Variants in EIF2AK4 observed in about 807,000 individuals in gnomAD.
EIF2AK4 encodes eukaryotic translation initiation factor 2 alpha kinase 4, also known as eIF-2-alpha kinase GCN2.
A neutral mutation model predicts 211.1 loss-of-function variants in EIF2AK4; 139 were observed. That is an observed-to-expected ratio of 0.66 (90% CI 0.57 to 0.76). The LOEUF (loss-of-function observed/expected upper bound fraction) is 0.76. Ranked by LOEUF, EIF2AK4 falls within the 30% of genes least tolerant of loss-of-function variation. EIF2AK4 has a pLI of 0.00. For missense variants in EIF2AK4, 1,664 were observed against 2,043.8 expected, an observed-to-expected ratio of 0.81 and a Z score of 3.58; for synonymous variants, 710 against 751.3, an observed-to-expected ratio of 0.94 and a Z score of 0.90.
Position 39,978,148 on chromosome 15 carries a change from G to T in EIF2AK4, c.2319+1G>T. The stretch of plus-strand genomic sequence containing the variant: ...TGAGAACAGTAAAAGTCAGAATCAG[G>T]TATATATATGAATAGAAATTATATC... On this transcript the variant is annotated splice_donor_variant, in intron 13 of 38. Coordinates refer to ENST00000263791, the MANE Select transcript of EIF2AK4 (RefSeq NM_001013703.4). LOFTEE classifies it high-confidence loss of function. The T allele has an allele frequency of 6.7e-7, 1 of 1,500,424 alleles. No individual in the cohort carries two copies. The highest frequency in any genetic ancestry group is 9.1e-7 in the Non-Finnish European group (1 of 1,093,608). The allele number at this position is 1,500,424 out of a possible 1,614,324, so 92.9% of individuals were successfully genotyped here. A position where few individuals can be genotyped will look rare whatever the true frequency, so the allele number is the denominator to read the frequency against.
In EIF2AK4 at chr15:39,992,201, A is replaced by C; in HGVS notation, c.2658A>C (p.Thr886=). The C allele has an allele frequency of 5.6e-6, 9 of 1,612,650 alleles. No homozygotes were observed. Among genetic ancestry groups the C allele is most frequent in the Non-Finnish European group, 7.6e-6 (9 of 1,179,312 alleles). ...CTGACAGCAAACAAGACGATCAGAC[A>C]GGAGACTTGATTAAGTCAGACCCTT... ...FSADSKQDDQ[T]GDLIKSDPSG... Residue 886 remains threonine, a synonymous_variant, in exon 17 of 39, where the codon ACA becomes ACC. Coordinates refer to ENST00000263791, the MANE Select transcript of EIF2AK4 (RefSeq NM_001013703.4).
intron 17 of EIF2AK4, 45 bp downstream of exon 17, chr15:39,992,274 C>G (rs1263616408): frequency 2.0e-6 from 3 of 1,505,506 alleles, no homozygotes; most frequent in Non-Finnish European, 2.7e-6. Context: ...TTAAAGACCC[C>G]AGAATTTCTT....
At chr15:39,967,923 A>G in intron 9 of EIF2AK4, 44 bp downstream of exon 9, 1 of 1,585,826 alleles carries the variant, frequency 6.3e-7, no homozygotes, top group East Asian at 2.3e-5. Flanking sequence ...TTACTCCTGT[A>G]CTTTTGATTG....
In EIF2AK4 at chr15:39,965,615, C is replaced by T. The variant is rs568467243; in HGVS notation, c.860-71C>T. The T allele has an allele frequency of 6.3e-5, 98 of 1,549,614 alleles. No homozygotes were observed. The African/African-American group carries it at 1.3e-3, about 20-fold the overall frequency. On this transcript the variant is annotated intron_variant, in intron 7 of 38. Coordinates refer to ENST00000263791, the MANE Select transcript of EIF2AK4 (RefSeq NM_001013703.4). ...TTGTTGAACTAAAGAATGTGTATTA[C>T]CCCCTCCCTTCCTTCCCCCAAGAGA... is the stretch of plus-strand genomic sequence containing the variant.
intron 1 of EIF2AK4, among the ~76,000 whole-genome samples, chr15:39,938,853 A>G (rs771943386): frequency 6.6e-6 from 1 of 152,224 alleles, no homozygotes; most frequent in East Asian, 1.9e-4. Flanking sequence ...CCCCTTGTTC[A>G]TTATATACAT....
At position 40,035,008 on chromosome 15, in the gene EIF2AK4, C is replaced by T; in HGVS notation, c.4893-19C>T. The T allele has an allele frequency of 6.5e-7, 1 of 1,547,214 alleles. No homozygotes were observed. The highest frequency in any genetic ancestry group is 8.7e-7 in the Non-Finnish European group (1 of 1,151,074). On this transcript the variant is annotated intron_variant, in intron 38 of 38. Transcript: ENST00000263791. The stretch of plus-strand genomic sequence containing the variant: ...CATTAAACTGAGTCTGTCCTTATAT[C>T]TTTTCTTTTCTTTTGCAGGGTGTCT...
In EIF2AK4 at chr15:40,002,793, G is replaced by T; in HGVS notation, c.3235+5G>T. 1 of 1,614,010 alleles carries T rather than the reference G, an allele frequency of 6.2e-7. No homozygotes were observed. The highest frequency in any genetic ancestry group is 2.2e-5 in the East Asian group (1 of 44,882). ...TCCGCATCTTTAAAAGACATGGTAT[G>T]TACGCCCTTTTTAAAAATGATATTT... On this transcript the variant is annotated splice_donor_5th_base_variant and intron_variant, in intron 22 of 38. Coordinates refer to ENST00000263791, the MANE Select transcript of EIF2AK4 (RefSeq NM_001013703.4).
intron 7 of EIF2AK4, among the ~76,000 whole-genome samples, 154 bp downstream of exon 7, chr15:39,962,053 G>A (rs2034480174): frequency 6.6e-6 from 1 of 152,186 alleles, no homozygotes; most frequent in South Asian, 2.1e-4. Context: ...CTTAATGACT[G>A]GAATGAGAAA....
intron 15 of EIF2AK4, 29 bp downstream of exon 15, chr15:39,988,134 G>T (rs899552859): frequency 6.2e-7 from 1 of 1,610,368 alleles, no homozygotes; most frequent in Non-Finnish European, 8.5e-7. Context: ...CATATCTGAA[G>T]ACTTATGTTT....
chr15:40,011,201 G>GTTAGAA, intron 26 of EIF2AK4, 80 bp from the exon 27 acceptor site: 9 of 1,162,158 alleles, frequency 7.7e-6, no homozygotes, highest in Non-Finnish European at 1.2e-5. Context: ...GGCTATACTT[G>GTTAGAA]TTAGAATTCG....
At chr15:39,999,618 A>G (rs575609018) in intron 20 of EIF2AK4, among the ~76,000 whole-genome samples, 48 of 152,290 alleles carry the variant, frequency 3.2e-4, no homozygotes, top group African/African-American at 1.1e-3. Flanking sequence ...TAAAAAGATT[A>G]AGTACTCTTT....
At chr15:39,943,750 G>A (rs1033672250) in intron 3 of EIF2AK4, among the ~76,000 whole-genome samples, 1 of 152,074 alleles carries the variant, frequency 6.6e-6, no homozygotes, top group Non-Finnish European at 1.5e-5. Flanking sequence ...GATCACTTGA[G>A]CCCAGAAGTT....
In EIF2AK4 at chr15:40,035,132, C is replaced by T. The variant is rs754900427; in HGVS notation, c.*48C>T. On this transcript the variant is annotated 3_prime_UTR_variant, in exon 39 of 39. Transcript: ENST00000263791. ...TCATTCAAACAGACAGAGGCTTATA[C>T]TGGAATAATGGAATGTTGTACATTC... The T allele has an allele frequency of 6.0e-6, 8 of 1,331,332 alleles. No individual in the cohort carries two copies. The highest frequency in any genetic ancestry group is 1.4e-5 in the South Asian group (1 of 69,198). The allele number at this position is 1,331,332 out of a possible 1,614,324, so 82.5% of individuals were successfully genotyped here.
chr15:40,017,551 A>ATATATATATATATGTATATG (rs71132134), intron 29 of EIF2AK4, among the ~76,000 whole-genome samples: 20 of 87,064 alleles, frequency 2.3e-4, no homozygotes, highest in African/African-American at 8.0e-4. Context: ...ATATATATAT[A>ATATATATATATATGTATATG]TATGTATTTT....
At chr15:39,942,285 T>TC (rs1432057260) in intron 2 of EIF2AK4, among the ~76,000 whole-genome samples, 2 of 152,108 alleles carry the variant, frequency 1.3e-5, no homozygotes, top group African/African-American at 4.8e-5. Context: ...TCCCAGACCT[T>TC]TGGGGAGGAA....
intron 2 of EIF2AK4, among the ~76,000 whole-genome samples, chr15:39,939,960 C>T (rs2034122196): frequency 6.6e-6 from 1 of 152,142 alleles, no homozygotes; most frequent in Non-Finnish European, 1.5e-5. Flanking sequence ...GTTGAAAGCC[C>T]TTGCATAGTT....
At chr15:39,957,903 G>C (rs2034413761) in intron 6 of EIF2AK4, among the ~76,000 whole-genome samples, 1 of 152,162 alleles carries the variant, frequency 6.6e-6, no homozygotes, top group African/African-American at 2.4e-5. Context: ...ACGCTGAAAA[G>C]AAGAGAAAGA....
intron 32 of EIF2AK4, among the ~76,000 whole-genome samples, chr15:40,025,076 G>A (rs1055779175): frequency 1.3e-5 from 2 of 152,142 alleles, no homozygotes; most frequent in African/African-American, 2.4e-5. Context: ...TCAAGAATTC[G>A]TGGTCCTGGA....
chr15:39,982,170 C>T (rs182759379), intron 13 of EIF2AK4, among the ~76,000 whole-genome samples: 76 of 152,030 alleles, frequency 5.0e-4, no homozygotes, highest in African/African-American at 6.7e-4. Flanking sequence ...GTGATCCGCC[C>T]GCCTCGGCCT....
Sources: allele counts gnomAD v4.1 joint callset (sites outside exome capture counted in the v4.1 genomes callset), GRCh38; gene constraint gnomAD v4.1.1; transcripts MANE v1.5; gene names NCBI Gene and HGNC (gene_info 2026-07-23, HGNC 2026-07-21).